The following MTUS2 variants were observed in gnomAD, a reference collection of about 807,000 sequenced individuals.
MTUS2 encodes microtubule-associated tumor suppressor candidate 2.
A neutral mutation model predicts 114.1 loss-of-function variants in MTUS2; 40 were observed. The ratio of observed to expected loss-of-function variants is 0.35; its 90% CI spans 0.27 to 0.46. The LOEUF is 0.46. Among genes scored for constraint, MTUS2 ranks in the 20% least tolerant of loss-of-function variants. MTUS2 has a pLI of 1.00. For missense variants in MTUS2, 1,679 were observed against 1,705.4 expected, an observed-to-expected ratio of 0.98 and a Z score of 0.27; for synonymous variants, 688 against 672.0, an observed-to-expected ratio of 1.02 and a Z score of -0.37.
intron 4 of MTUS2, among the ~76,000 whole-genome samples, chr13:29,067,304 G>A (rs1888708937): frequency 6.6e-6 from 1 of 152,078 alleles, no homozygotes; most frequent in Non-Finnish European, 1.5e-5. Context: ...ATATTGAAGG[G>A]GTGAGGAGAG....
intron 5 of MTUS2, among the ~76,000 whole-genome samples, chr13:29,166,758 G>A (rs971897705): frequency 6.6e-6 from 1 of 152,016 alleles, no homozygotes; most frequent in African/African-American, 2.4e-5. Flanking sequence ...TTAAATACTT[G>A]CCAGGTCAGT....
At chr13:28,928,537 C>T (rs1443812393) in intron 2 of MTUS2, among the ~76,000 whole-genome samples, 3 of 152,104 alleles carry the variant, frequency 2.0e-5, no homozygotes, top group Non-Finnish European at 4.4e-5. Context: ...AAATGCAAAT[C>T]GAAACCCCAA....
chr13:29,052,182 T>C (rs1159732216), intron 4 of MTUS2, among the ~76,000 whole-genome samples: 2 of 152,118 alleles, frequency 1.3e-5, no homozygotes, highest in Admixed American at 6.5e-5. Context: ...TCAGCTTTTT[T>C]CTTAGAAAAT....
At chr13:29,219,907 T>C (rs1593182821) in intron 5 of MTUS2, among the ~76,000 whole-genome samples, 1 of 152,236 alleles carries the variant, frequency 6.6e-6, no homozygotes. Context: ...TTGTGGTTGG[T>C]TTGATCTTTT....
chr13:28,842,211 GA>G (rs1465021077), intron 2 of MTUS2, among the ~76,000 whole-genome samples: 10 of 151,804 alleles, frequency 6.6e-5, no homozygotes, highest in African/African-American at 1.9e-4. Flanking sequence ...AAAAAATGTG[GA>G]TTTTTTTTTT....
intron 5 of MTUS2, among the ~76,000 whole-genome samples, chr13:29,177,263 C>CCT (rs1736895819): frequency 6.6e-6 from 1 of 150,600 alleles, no homozygotes; most frequent in South Asian, 2.1e-4. Context: ...AAGTCAGTAA[C>CCT]CTTTAAGTCA....
rs946622614 is a variant in MTUS2, at chr13:29,159,289, T to A, written c.2644+58319T>A. 3.9e-5 allele frequency among the ~76,000 whole-genome samples: 6 copies of A among 152,216 alleles called. No individual in the cohort carries two copies. The East Asian group carries it at 1.2e-3, about 29-fold the overall frequency. On this transcript the variant is annotated intron_variant, in intron 5 of 15. Transcript: ENST00000612955. ...GGTGATTTTATAAAAAGTTTTGGAC[T>A]TATTTTAATATTCTCTCTCTATGTG...
intron 5 of MTUS2, among the ~76,000 whole-genome samples, chr13:29,165,915 A>G (rs1442625683): frequency 6.6e-6 from 1 of 152,222 alleles, no homozygotes; most frequent in Non-Finnish European, 1.5e-5. Context: ...TGACAAAATG[A>G]TAGAAATGCA....
intron 2 of MTUS2, among the ~76,000 whole-genome samples, chr13:28,992,029 C>T (rs1884882422): frequency 6.6e-6 from 1 of 152,210 alleles, no homozygotes; most frequent in Admixed American, 6.5e-5. Flanking sequence ...CTGCCTACCT[C>T]TAGGAACTAC....
chr13:28,943,513 C>T (rs1320033116), intron 2 of MTUS2, among the ~76,000 whole-genome samples: 1 of 152,168 alleles, frequency 6.6e-6, no homozygotes, highest in Non-Finnish European at 1.5e-5. Context: ...TTAGACTGCA[C>T]GTTTACAGAA....
At chr13:28,908,051 G>T (rs1316515777) in intron 2 of MTUS2, among the ~76,000 whole-genome samples, 1 of 150,968 alleles carries the variant, frequency 6.6e-6, no homozygotes, top group African/African-American at 2.4e-5. Flanking sequence ...AATTTTGGGG[G>T]GTTTATCCCA....
intron 6 of MTUS2, among the ~76,000 whole-genome samples, chr13:29,315,508 G>GA (rs1566125444): frequency 6.6e-6 from 1 of 152,098 alleles, no homozygotes; most frequent in Non-Finnish European, 1.5e-5. Context: ...GAATGAAAAG[G>GA]AAAAAATGGA....
chr13:29,229,442 T>C (rs1373626602), intron 5 of MTUS2, among the ~76,000 whole-genome samples: 1 of 152,214 alleles, frequency 6.6e-6, no homozygotes, highest in Non-Finnish European at 1.5e-5. Flanking sequence ...TCCTTTCCCA[T>C]TGACATTTTC....
At position 29,268,155 on chromosome 13, in the gene MTUS2, A is replaced by T. The variant is rs920962644; in HGVS notation, c.2645-13549A>T. On this transcript the variant is annotated intron_variant, in intron 5 of 15. Transcript: ENST00000612955. The stretch of plus-strand genomic sequence containing the variant: ...AATGCTCTCCCTCCCCTAGTTCCCC[A>T]CCCCCTGACAGGCCCCGGTGTGTGA... Among the ~76,000 whole-genome samples the T allele has an allele frequency of 6.6e-5, 10 of 151,918 alleles. No homozygotes were observed. The East Asian group carries it at 1.5e-3, about 24-fold the overall frequency.
intron 5 of MTUS2, among the ~76,000 whole-genome samples, chr13:29,228,211 G>A (rs1896187453): frequency 6.6e-6 from 1 of 152,210 alleles, no homozygotes; most frequent in Admixed American, 6.5e-5. Flanking sequence ...AAATTGTGGA[G>A]CCTCCATGTC....
chr13:29,060,486 G>A (rs757319950), intron 4 of MTUS2, among the ~76,000 whole-genome samples: 3 of 150,504 alleles, frequency 2.0e-5, no homozygotes, highest in Non-Finnish European at 2.9e-5. Context: ...ACCCCTCTCC[G>A]CTGTCTGTGT....
At chr13:29,117,568 A>G (rs1406796128) in intron 5 of MTUS2, among the ~76,000 whole-genome samples, 43 of 152,180 alleles carry the variant, frequency 2.8e-4, no homozygotes, top group Admixed American at 2.8e-3. Context: ...TTATGCATGG[A>G]TGTAACTGTG....
intron 1 of MTUS2, among the ~76,000 whole-genome samples, chr13:28,826,343 T>G (rs1422868764): frequency 6.6e-6 from 1 of 152,228 alleles, no homozygotes; most frequent in Non-Finnish European, 1.5e-5. Flanking sequence ...ATTATCAGAC[T>G]AGATAGAAGA....
Position 29,482,909 on chromosome 13 carries a change from T to C in MTUS2, c.3399+2545T>C, listed in dbSNP as rs1289858769. 3.3e-5 allele frequency among the ~76,000 whole-genome samples: 5 copies of C among 152,196 alleles called. 1 individual carries two copies. Among genetic ancestry groups the C allele is most frequent in the Admixed American group, 2.6e-4 (4 of 15,284 alleles). ...GTTGGCTGTTTCCCCAGGCTTCAGT[T>C]TCCCTAGCAGAGAACATGCAGGAAG... On this transcript the variant is annotated intron_variant, in intron 10 of 15. Coordinates refer to ENST00000612955, the MANE Select transcript of MTUS2 (RefSeq NM_001033602.4).
Sources: gnomAD v4.1 joint callset for allele counts (sites outside exome capture counted in the v4.1 genomes callset) on GRCh38, gnomAD v4.1.1 for gene constraint, MANE v1.5 for transcripts, NCBI Gene and HGNC (gene_info 2026-07-23, HGNC 2026-07-21) for gene names.